The following NIBAN1 variants were observed in gnomAD, a reference collection of about 807,000 sequenced individuals.
NIBAN1 encodes the protein niban apoptosis regulator 1.
In NIBAN1, 81 loss-of-function variants were observed where a neutral mutation model predicts 75.1. The observed-to-expected ratio is 1.08, with a 90% confidence interval of 0.90 to 1.30. NIBAN1 has a LOEUF of 1.30. Among genes scored for constraint, NIBAN1 ranks in the 50% most tolerant of loss-of-function variants. NIBAN1 has a pLI of 0.00. For missense variants in NIBAN1, 1,133 were observed against 1,128.1 expected, an observed-to-expected ratio of 1.00 and a Z score of -0.06; for synonymous variants, 436 against 424.8, an observed-to-expected ratio of 1.03 and a Z score of -0.32.
At chr1:184,882,033 G>A (rs1454389525) in intron 5 of NIBAN1, among the ~76,000 whole-genome samples, 1 of 152,102 alleles carries the variant, frequency 6.6e-6, no homozygotes, top group East Asian at 1.9e-4. Flanking sequence ...ATACTAGAAT[G>A]CCTAGGACCC....
At chr1:184,934,153 A>G (rs1370942062) in intron 1 of NIBAN1, among the ~76,000 whole-genome samples, 1 of 152,250 alleles carries the variant, frequency 6.6e-6, no homozygotes, top group Non-Finnish European at 1.5e-5. Flanking sequence ...AAGTAACAAA[A>G]TTATGTCCTT....
chr1:184,946,992 G>C (rs1308653734), intron 1 of NIBAN1, among the ~76,000 whole-genome samples: 1 of 151,524 alleles, frequency 6.6e-6, no homozygotes, highest in South Asian at 2.1e-4. Flanking sequence ...AGAATCTCTT[G>C]AACCCAGGAG....
intron 2 of NIBAN1, among the ~76,000 whole-genome samples, chr1:184,897,260 G>A (rs1325624453): frequency 6.8e-6 from 1 of 146,358 alleles, no homozygotes; most frequent in East Asian, 2.0e-4. Context: ...TCATCTCCTT[G>A]GTTAAATGTA....
chr1:184,852,059 G>A (rs1171057257), intron 5 of NIBAN1, among the ~76,000 whole-genome samples: 1 of 152,120 alleles, frequency 6.6e-6, no homozygotes, highest in Non-Finnish European at 1.5e-5. Context: ...ATGGAAGCGA[G>A]CCTCTCTCTC....
intron 10 of NIBAN1, among the ~76,000 whole-genome samples, chr1:184,807,212 G>A (rs909551399): frequency 3.9e-5 from 6 of 151,952 alleles, no homozygotes; most frequent in Non-Finnish European, 7.4e-5. Context: ...AAATGGCATG[G>A]TGTCCTTTAG....
chr1:184,800,175 G>A (rs1277042368), intron 12 of NIBAN1, among the ~76,000 whole-genome samples: 233 of 151,598 alleles, frequency 1.5e-3, no homozygotes, highest in African/African-American at 5.5e-3. Flanking sequence ...TTTGAGAAGT[G>A]TCTGCTCATG....
chr1:184,867,297 T>C (rs1655984587), intron 5 of NIBAN1, among the ~76,000 whole-genome samples: 1 of 152,154 alleles, frequency 6.6e-6, no homozygotes, highest in South Asian at 2.1e-4. Flanking sequence ...CTAGGGTCTA[T>C]TGTGCCAGGA....
chr1:184,890,521 G>C (rs1005274338), intron 3 of NIBAN1, among the ~76,000 whole-genome samples: 2 of 152,188 alleles, frequency 1.3e-5, no homozygotes, highest in African/African-American at 2.4e-5. Context: ...AACCCTGAAA[G>C]TCTGCACCAC....
At chr1:184,919,840 A>T (rs980207274) in intron 1 of NIBAN1, among the ~76,000 whole-genome samples, 1 of 151,572 alleles carries the variant, frequency 6.6e-6, no homozygotes, top group African/African-American at 2.4e-5. Context: ...TAATCTCCAG[A>T]TAACAAAAAA....
At chr1:184,841,676 G>A (rs894309464) in intron 5 of NIBAN1, among the ~76,000 whole-genome samples, 2 of 152,134 alleles carry the variant, frequency 1.3e-5, no homozygotes, top group Non-Finnish European at 2.9e-5. Flanking sequence ...TTTAGAGTGT[G>A]GCAGATTTTG....
intron 1 of NIBAN1, among the ~76,000 whole-genome samples, chr1:184,902,859 A>T (rs1225414766): frequency 2.6e-5 from 4 of 152,236 alleles, no homozygotes; most frequent in African/African-American, 9.6e-5. Flanking sequence ...TAAGATGCCC[A>T]TATCACAGGG....
At chr1:184,839,074 T>C (rs1243956830) in intron 5 of NIBAN1, among the ~76,000 whole-genome samples, 1 of 152,128 alleles carries the variant, frequency 6.6e-6, no homozygotes, top group Non-Finnish European at 1.5e-5. Flanking sequence ...ACTGAGTCCC[T>C]ACCATGGAGT....
intron 3 of NIBAN1, among the ~76,000 whole-genome samples, chr1:184,891,489 A>G (rs947842778): frequency 6.6e-6 from 1 of 152,234 alleles, no homozygotes; most frequent in African/African-American, 2.4e-5. Context: ...ATTACTAGTT[A>G]TAACAGGCCC....
intron 8 of NIBAN1, among the ~76,000 whole-genome samples, chr1:184,820,498 C>T (rs144998174): frequency 1.3e-3 from 199 of 152,354 alleles, no homozygotes; most frequent in African/African-American, 3.8e-3. Flanking sequence ...TCAAATTTCA[C>T]CCTAATGTCC....
At chr1:184,934,949 A>C (rs962567849) in intron 1 of NIBAN1, among the ~76,000 whole-genome samples, 4 of 152,192 alleles carry the variant, frequency 2.6e-5, no homozygotes, top group Admixed American at 2.6e-4. Flanking sequence ...ATGCACCTGC[A>C]GTGCCAGCTA....
chr1:184,941,879 G>C lies in NIBAN1; in HGVS notation c.55+32423C>G, dbSNP rs556574903. Reference sequence around the variant, plus strand: ...TATTCTCAGAGATGCAGCTACAACCGGGGTTCAGTAGCAGATCAGCTGCTC... The same window carrying C: ...TATTCTCAGAGATGCAGCTACAACCCGGGTTCAGTAGCAGATCAGCTGCTC... On this transcript the variant is annotated intron_variant, in intron 1 of 13. Coordinates refer to ENST00000367511, the MANE Select transcript of NIBAN1 (RefSeq NM_052966.4). 8.9e-4 allele frequency among the ~76,000 whole-genome samples: 136 copies of C among 152,246 alleles called. 2 individuals are homozygous for C. In the South Asian group the frequency reaches 0.028, roughly 31 times the overall value.
rs527987766 is a variant in NIBAN1 at position 184,829,757 on chromosome 1, C to T, written c.717+2090G>A. Among the ~76,000 whole-genome samples, 318 of 152,208 alleles carry T rather than the reference C, an allele frequency of 2.1e-3. 3 individuals carry two copies. The highest frequency in any genetic ancestry group is 9.6e-4 in the Non-Finnish European group (65 of 68,020). ...CTAAGATTACAAGCGTGAGCCACTG[C>T]GCCTGGCCTAAATATCTATTTTCAA... On this transcript the variant is annotated intron_variant, in intron 6 of 13. Transcript: ENST00000367511.
At chr1:184,931,026 G>A (rs1336837963) in intron 1 of NIBAN1, among the ~76,000 whole-genome samples, 1 of 120,784 alleles carries the variant, frequency 8.3e-6, no homozygotes, top group African/African-American at 3.5e-5. Flanking sequence ...TTGAGACTGA[G>A]TCTCACTCTG....
At chr1:184,815,462 C>T (rs1654500420) in intron 9 of NIBAN1, among the ~76,000 whole-genome samples, 1 of 152,162 alleles carries the variant, frequency 6.6e-6, no homozygotes, top group South Asian at 2.1e-4. Flanking sequence ...GCTAATCTAA[C>T]CAGGACAGTT....
Sources: allele counts gnomAD v4.1 joint callset (sites outside exome capture counted in the v4.1 genomes callset), GRCh38; gene constraint gnomAD v4.1.1; transcripts MANE v1.5; gene names NCBI Gene and HGNC (gene_info 2026-07-23, HGNC 2026-07-21).